Variants in NUBPL observed in about 807,000 individuals in gnomAD.
NUBPL encodes NUBP iron-sulfur cluster assembly factor, mitochondrial.
In NUBPL, 31 loss-of-function variants were observed where a neutral mutation model predicts 45.7. The ratio of observed to expected loss-of-function variants is 0.68; its 90% CI spans 0.51 to 0.92. NUBPL has a LOEUF of 0.92. NUBPL is among the 40% of genes least tolerant of loss of function. NUBPL has a pLI of 0.00. For synonymous variants in NUBPL, 144 were observed against 140.9 expected (o/e 1.02, Z -0.15); for missense variants, 401 against 398.7 (o/e 1.01, Z -0.05).
At chr14:31,570,690 G>A (rs1462304405) in intron 3 of NUBPL, among the ~76,000 whole-genome samples, 1 of 151,996 alleles carries the variant, frequency 6.6e-6, no homozygotes, top group African/African-American at 2.4e-5. Context: ...TATTTCCACT[G>A]TTCCTATTTT....
At chr14:31,693,879 G>A (rs1212353901) in intron 6 of NUBPL, among the ~76,000 whole-genome samples, 9 of 124,782 alleles carry the variant, frequency 7.2e-5, no homozygotes, top group East Asian at 2.0e-4. Flanking sequence ...TTTTTGAGAC[G>A]GAGTCTCGCT....
chr14:31,717,682 C>T (rs1293515491), intron 6 of NUBPL, among the ~76,000 whole-genome samples: 1 of 152,156 alleles, frequency 6.6e-6, no homozygotes, highest in Non-Finnish European at 1.5e-5. Context: ...CAAAACAACC[C>T]CAAGCCTGTT....
At chr14:31,843,653 C>T (rs1566594615) in intron 8 of NUBPL, 1 of 152,274 alleles carries the variant, frequency 6.6e-6, no homozygotes, top group Non-Finnish European at 1.5e-5. Context: ...AGGCCTCAGA[C>T]TGGCCTTTCA....
chr14:31,572,267 G>A (rs943321293), intron 3 of NUBPL, among the ~76,000 whole-genome samples: 1 of 151,916 alleles, frequency 6.6e-6, no homozygotes, highest in Non-Finnish European at 1.5e-5. Context: ...AGCCTCCCGA[G>A]TAGCTGGGAC....
At chr14:31,818,840 GC>G (rs916195856) in intron 7 of NUBPL, among the ~76,000 whole-genome samples, 6 of 152,218 alleles carry the variant, frequency 3.9e-5, no homozygotes, top group Non-Finnish European at 8.8e-5. Flanking sequence ...GAGCTGCCGT[GC>G]CCAGCCAATT....
At chr14:31,733,474 T>A (rs2038098646) in intron 6 of NUBPL, among the ~76,000 whole-genome samples, 1 of 152,206 alleles carries the variant, frequency 6.6e-6, no homozygotes, top group Non-Finnish European at 1.5e-5. Context: ...CCATGAATAT[T>A]ATATATCTTG....
In NUBPL at chr14:31,736,332, A is replaced by C. The variant is rs556698334; in HGVS notation, c.514-51448A>C. On this transcript the variant is annotated intron_variant, in intron 6 of 10. Transcript: ENST00000281081. ...GCACACCTGAATAACTACTCTCAAGATCAAGATCTAGAACATTTTTAATAT... is the reference window on the plus strand; with the variant it reads ...GCACACCTGAATAACTACTCTCAAGCTCAAGATCTAGAACATTTTTAATAT... Among the ~76,000 whole-genome samples, 12 of 152,186 alleles carry C rather than the reference A, an allele frequency of 7.9e-5. No homozygotes were observed. The South Asian group carries it at 1.0e-3, about 13-fold the overall frequency.
At chr14:31,656,479 A>G (rs936717864) in intron 4 of NUBPL, among the ~76,000 whole-genome samples, 1 of 152,210 alleles carries the variant, frequency 6.6e-6, no homozygotes, top group Non-Finnish European at 1.5e-5. Flanking sequence ...AGTGAGAAAC[A>G]TATAACTTTT....
chr14:31,834,261 A>C (rs376866975), intron 8 of NUBPL, among the ~76,000 whole-genome samples: 2 of 143,694 alleles, frequency 1.4e-5, no homozygotes, highest in East Asian at 4.1e-4. Flanking sequence ...GCTCACTGCA[A>C]CCTCCGCCTC....
intron 7 of NUBPL, among the ~76,000 whole-genome samples, chr14:31,813,438 TACACACACACACAC>T (rs34598831): frequency 1.2e-4 from 18 of 148,202 alleles, no homozygotes; most frequent in Non-Finnish European, 9.0e-5. Context: ...TTTTTTGCTA[TACACACACACACAC>T]ACACACACAC....
At chr14:31,709,271 C>T (rs975799511) in intron 6 of NUBPL, among the ~76,000 whole-genome samples, 4 of 152,186 alleles carry the variant, frequency 2.6e-5, no homozygotes, top group Non-Finnish European at 4.4e-5. Context: ...CTCCCATAGC[C>T]GCTCGAGGGA....
intron 10 of NUBPL, among the ~76,000 whole-genome samples, chr14:31,852,847 T>TC (rs1283306630): frequency 6.6e-6 from 1 of 151,924 alleles, no homozygotes; most frequent in Non-Finnish European, 1.5e-5. Flanking sequence ...TCCTTCCCTT[T>TC]CCCCCGTGAA....
chr14:31,569,252 A>G (rs2033517501), intron 3 of NUBPL, among the ~76,000 whole-genome samples: 1 of 152,056 alleles, frequency 6.6e-6, no homozygotes, highest in African/African-American at 2.4e-5. Flanking sequence ...GCTGGAGTGC[A>G]GTGGTGTGAT....
intron 6 of NUBPL, among the ~76,000 whole-genome samples, chr14:31,727,976 A>G (rs2037963664): frequency 6.6e-6 from 1 of 152,190 alleles, no homozygotes; most frequent in African/African-American, 2.4e-5. Context: ...CTTACTGGGC[A>G]TTATTATAAA....
chr14:31,567,578 GT>G (rs1242259817), intron 3 of NUBPL, among the ~76,000 whole-genome samples: 1 of 151,410 alleles, frequency 6.6e-6, no homozygotes, highest in East Asian at 1.9e-4. Context: ...TTCTGATTTT[GT>G]TTTTCATTTG....
At chr14:31,779,183 A>G (rs2039149035) in intron 6 of NUBPL, among the ~76,000 whole-genome samples, 1 of 152,000 alleles carries the variant, frequency 6.6e-6, no homozygotes, top group African/African-American at 2.4e-5. Context: ...CTCTACTAAC[A>G]TTACAAAATT....
At chr14:31,646,394 C>T in intron 4 of NUBPL, among the ~76,000 whole-genome samples, 1 of 152,138 alleles carries the variant, frequency 6.6e-6, no homozygotes, top group Non-Finnish European at 1.5e-5. Flanking sequence ...ACCATTTTGG[C>T]CAGGCTGGTC....
chr14:31,723,890 C>A (rs1404115252), intron 6 of NUBPL, among the ~76,000 whole-genome samples: 3 of 152,130 alleles, frequency 2.0e-5, no homozygotes, highest in African/African-American at 7.2e-5. Flanking sequence ...GGTCTGCAAA[C>A]AGGGATAGTT....
At chr14:31,690,017 G>C (rs1404528232) in intron 6 of NUBPL, among the ~76,000 whole-genome samples, 1 of 151,128 alleles carries the variant, frequency 6.6e-6, no homozygotes, top group Non-Finnish European at 1.5e-5. Context: ...TGTTTCATTG[G>C]TCTATGTGTC....
Sources: allele counts gnomAD v4.1 joint callset (sites outside exome capture counted in the v4.1 genomes callset), GRCh38; gene constraint gnomAD v4.1.1; transcripts MANE v1.5; gene names NCBI Gene and HGNC (gene_info 2026-07-23, HGNC 2026-07-21).